Variants in SCN9A observed in about 807,000 individuals in gnomAD.
The protein encoded by SCN9A is sodium channel protein type 9 subunit alpha.
Under a neutral mutation model 187.0 loss-of-function variants are expected in SCN9A, and 131 were observed. The ratio of observed to expected loss-of-function variants is 0.70; its 90% confidence interval spans 0.61 to 0.81. The LOEUF is 0.81. Ranked by LOEUF, SCN9A falls within the 30% of genes least tolerant of loss-of-function variation. The pLI, the probability that SCN9A is intolerant of heterozygous loss-of-function variation, is 0.00. For missense variants in SCN9A, 2,252 were observed against 2,396.6 expected (o/e 0.94, Z 1.26); for synonymous variants, 809 against 808.6 (o/e 1.00, Z -0.01).
At chr2:166,205,091 T>C (rs544232349) in intron 24 of SCN9A, 1 of 152,280 alleles carries the variant, frequency 6.6e-6, no homozygotes, top group Admixed American at 6.5e-5. Context: ...CTGCCCAAGG[T>C]AATTTATAAA....
In SCN9A at chr2:166,303,220, A is replaced by T. The variant is rs765318979; in HGVS notation, c.771T>A (p.Ser257Arg). Reference protein sequence around the residue: ...DVMILTVFCLSVFALIGLQLF... With the variant: ...DVMILTVFCLRVFALIGLQLF... ...GCTGTAGTCCAATTAGTGCAAACAC[A>T]CTCAGACAGAACACAGTCAGGATCA... is the stretch of plus-strand genomic sequence containing the variant. Residue 257 changes from serine to arginine, a missense_variant, in exon 7 of 27, where the codon AGT becomes AGA. Transcript: ENST00000642356. 1.2e-6 allele frequency: 2 copies of T among 1,613,758 alleles called. No individual in the cohort carries two copies. The highest frequency in any genetic ancestry group is 1.7e-6 in the Non-Finnish European group (2 of 1,179,784).
At chr2:166,306,338 A>G (rs917473453) in intron 4 of SCN9A, among the ~76,000 whole-genome samples, 172 bp downstream of exon 4, 3 of 152,146 alleles carry the variant, frequency 2.0e-5, no homozygotes, top group Non-Finnish European at 2.9e-5. Flanking sequence ...TAATTTTTCT[A>G]ATCTAGCAGG....
chr2:166,288,120 T>TATATATATATATACACACACAC (rs56738765), intron 10 of SCN9A, among the ~76,000 whole-genome samples: 4 of 135,566 alleles, frequency 3.0e-5, no homozygotes, highest in East Asian at 4.2e-4. Flanking sequence ...TATATATATA[T>TATATATATATATACACACACAC]ACACACACAT....
At chr2:166,228,629 AAC>A in intron 22 of SCN9A, 60 bp downstream of exon 22, 1 of 1,262,430 alleles carries the variant, frequency 7.9e-7, no homozygotes, top group Non-Finnish European at 1.1e-6. Context: ...TTTAAAGAAT[AAC>A]TTATATCCTT....
intron 18 of SCN9A, chr2:166,249,317 A>G (rs2106421940): frequency 6.6e-6 from 1 of 152,276 alleles, no homozygotes; most frequent in East Asian, 1.9e-4. Context: ...ATGTTTCTTC[A>G]GCAAGGGGTA....
chr2:166,310,586 A>G (rs1390783182), intron 2 of SCN9A, among the ~76,000 whole-genome samples: 1 of 95,578 alleles, frequency 1.0e-5, no homozygotes, highest in African/African-American at 5.4e-5. Flanking sequence ...GGCAATCATT[A>G]AAAAGTCAGG....
rs559871284 is a variant in SCN9A at position 166,343,618 on chromosome 2, G to A, written c.-50-31812C>T. On this transcript the variant is annotated intron_variant, in intron 1 of 26. Transcript: ENST00000642356. Reference sequence around the variant, plus strand: ...GGTTTCCTCATTGAAAAAGTGGAAGGCCAGGTGTGATGGCTCATGCCTATA... The same window carrying A: ...GGTTTCCTCATTGAAAAAGTGGAAGACCAGGTGTGATGGCTCATGCCTATA... 1.6e-4 allele frequency among the ~76,000 whole-genome samples: 24 copies of A among 152,140 alleles called. 1 individual carries two copies. Among genetic ancestry groups the A allele is most frequent in the African/African-American group, 5.8e-4 (24 of 41,514 alleles).
chr2:166,280,670 G>T, intron 13 of SCN9A, 75 bp from the exon 14 acceptor site: 1 of 825,706 alleles, frequency 1.2e-6, no homozygotes. Flanking sequence ...AATCAGTCAG[G>T]CATTCTAATA....
rs144030757 is a variant in SCN9A, at chr2:166,359,973, G to A, written c.-51+15724C>T. 3.9e-3 allele frequency among the ~76,000 whole-genome samples: 596 copies of A among 151,788 alleles called. 19 individuals are homozygous for A. In the East Asian group the frequency reaches 0.078, roughly 20 times the overall value. On this transcript the variant is annotated intron_variant, in intron 1 of 26. Transcript: ENST00000642356. ...GTGGTGGCTCACGCCTATAATCCCA[G>A]CACTTTGGGAAGCCGAGGCAGGCGG...
At chr2:166,357,505 T>A (rs768711176) in intron 1 of SCN9A, among the ~76,000 whole-genome samples, 23 of 152,066 alleles carry the variant, frequency 1.5e-4, no homozygotes, top group Non-Finnish European at 2.9e-4. Context: ...ATCATTATAA[T>A]CTCATTTTCA....
intron 1 of SCN9A, among the ~76,000 whole-genome samples, chr2:166,367,151 C>G (rs1490201715): frequency 1.3e-5 from 2 of 152,224 alleles, no homozygotes; most frequent in Non-Finnish European, 2.9e-5. Context: ...TTATCCTGCA[C>G]AAGATCACTT....
intron 13 of SCN9A, 86 bp from the exon 14 acceptor site, chr2:166,280,681 T>C: frequency 3.9e-6 from 3 of 760,846 alleles, no homozygotes; most frequent in Non-Finnish European, 6.4e-6. Context: ...CATTCTAATA[T>C]TGAAACAAGG....
intron 1 of SCN9A, among the ~76,000 whole-genome samples, chr2:166,317,397 G>A (rs1360228231): frequency 1.3e-5 from 2 of 151,942 alleles, no homozygotes; most frequent in African/African-American, 4.8e-5. Flanking sequence ...AAATCCCAAT[G>A]TTGCATATAA....
At chr2:166,210,215 C>T (rs1312839416) in intron 24 of SCN9A, among the ~76,000 whole-genome samples, 2 of 151,924 alleles carry the variant, frequency 1.3e-5, no homozygotes, top group African/African-American at 4.8e-5. Context: ...GGAAAAAAAC[C>T]AAACACTGCA....
At chr2:166,304,141 T>C in intron 6 of SCN9A, 97 bp downstream of exon 6, 3 of 1,613,120 alleles carry the variant, frequency 1.9e-6, no homozygotes, top group Non-Finnish European at 2.5e-6. Context: ...GGGGAGTTTA[T>C]ACACACAGTG....
At chr2:166,313,008 T>TTAAATAATATAGTTATTTAATTTTCTG (rs138488726) in intron 1 of SCN9A, among the ~76,000 whole-genome samples, 2,061 of 119,956 alleles carry the variant, frequency 0.017, 123 homozygotes, top group African/African-American at 0.05. Context: ...ATTTTCTGAA[T>TTAAATAATATAGTTATTTAATTTTCTG]AATTAAATAA....
At position 166,286,703 on chromosome 2, in the gene SCN9A, A is replaced by G. The variant is rs943435056; in HGVS notation, c.1315-80T>C. On this transcript the variant is annotated intron_variant, in intron 10 of 26. Transcript: ENST00000642356. ...CCCTAGGACAGGACATCTTTCACCT[A>G]TTAGCATAACAACATGGTGCATATA... 6.1e-5 allele frequency: 69 copies of G among 1,127,832 alleles called. No homozygotes were observed. The East Asian group carries it at 1.7e-3, about 28-fold the overall frequency. The allele number at this position is 1,127,832 out of a possible 1,614,324, so 69.9% of individuals were successfully genotyped here. A position where few individuals can be genotyped will look rare whatever the true frequency, so the allele number is the denominator to read the frequency against.
chr2:166,341,049 C>A (rs922417699), intron 1 of SCN9A, among the ~76,000 whole-genome samples: 1 of 152,066 alleles, frequency 6.6e-6, no homozygotes, highest in Non-Finnish European at 1.5e-5. Context: ...AAAGTATTTT[C>A]TAAAGAACTA....
intron 1 of SCN9A, among the ~76,000 whole-genome samples, chr2:166,351,486 A>G (rs1008837559): frequency 5.3e-5 from 8 of 152,240 alleles, no homozygotes; most frequent in Non-Finnish European, 1.2e-4. Context: ...TGTATATTTA[A>G]TCACTTTATC....
Sources: allele counts gnomAD v4.1 joint callset (sites outside exome capture counted in the v4.1 genomes callset), GRCh38; gene constraint gnomAD v4.1.1; transcripts MANE v1.5; gene names NCBI Gene and HGNC (gene_info 2026-07-23, HGNC 2026-07-21).